The following ANKHD1 variants were observed in gnomAD, a reference collection of about 807,000 sequenced individuals.
ANKHD1 encodes the protein ankyrin repeat and KH domain containing 1, also known as ankyrin repeat and KH domain-containing protein 1.
In ANKHD1, 31 loss-of-function variants were observed where a neutral mutation model predicts 230.5. The observed-to-expected ratio is 0.13, with a 90% confidence interval of 0.10 to 0.18. ANKHD1 has a LOEUF of 0.18. ANKHD1 is among the 10% of genes least tolerant of loss of function. The pLI, the probability that ANKHD1 is intolerant of heterozygous loss-of-function variation, is 1.00. For missense variants in ANKHD1, 2,256 were observed against 3,071.3 expected, an observed-to-expected ratio of 0.73 and a Z score of 6.27; for synonymous variants, 1,074 against 1,117.6, an observed-to-expected ratio of 0.96 and a Z score of 0.78.
In ANKHD1 at chr5:140,497,152, A is replaced by T. The variant is rs1400935874; in HGVS notation, c.2878A>T (p.Ile960Phe). 7 of 1,614,000 alleles carry T rather than the reference A, an allele frequency of 4.3e-6. No homozygotes were observed. In the Admixed American group the frequency reaches 6.7e-5, roughly 15 times the overall value. Reference protein sequence around the residue: ...ELQKVSGNQQIVGQPQIAITG... With the variant: ...ELQKVSGNQQFVGQPQIAITG... ...TCAGAAAGTATCAGGTAATCAGCAGATTGTAGGACAGCCTCAGATTGCTAT... is the reference window on the plus strand; with the variant it reads ...TCAGAAAGTATCAGGTAATCAGCAGTTTGTAGGACAGCCTCAGATTGCTAT... The change falls in exon 15 of 34, where the codon ATT (isoleucine) becomes TTT (phenylalanine). Residue 960 changes from isoleucine (I) to phenylalanine (F), a missense_variant. This residue lies in a region of ANKHD1 where 358 missense variants were observed against 397.7 expected (regional missense o/e 0.90). Transcript: ENST00000360839.
intron 1 of ANKHD1, among the ~76,000 whole-genome samples, chr5:140,413,120 T>G (rs913206486): frequency 6.6e-6 from 1 of 152,186 alleles, no homozygotes; most frequent in Non-Finnish European, 1.5e-5. Context: ...AAGAACCAAC[T>G]AAGAACCAAA....
At chr5:140,531,392 C>A (rs545136880) in intron 29 of ANKHD1, 49 of 320,090 alleles carry the variant, frequency 1.5e-4, no homozygotes, top group African/African-American at 9.4e-4. Flanking sequence ...ACAAGCCTGG[C>A]CAACATGGTG....
intron 29 of ANKHD1, among the ~76,000 whole-genome samples, chr5:140,533,775 CAA>C (rs1167136822): frequency 2.7e-4 from 8 of 29,654 alleles, no homozygotes; most frequent in African/African-American, 4.3e-4. Context: ...GACCCTGTCT[CAA>C]AAAAAAAAAA....
Position 140,464,749 on chromosome 5 carries a change from T to C in ANKHD1, c.1755T>C (p.Asp585=), listed in dbSNP as rs1325412987. The C allele has an allele frequency of 3.1e-6, 5 of 1,607,568 alleles. No individual in the cohort carries two copies. The highest frequency in any genetic ancestry group is 4.3e-6 in the Non-Finnish European group (5 of 1,175,434). The change falls in exon 10 of 34, where the codon GAT becomes GAC. Residue 585 remains aspartate (D), a synonymous_variant. Coordinates refer to ENST00000360839, the MANE Select transcript of ANKHD1 (RefSeq NM_017747.3). ...ACENGHTDVA[D]VLLQAGADLE... is the part of the protein sequence containing the mutation. ...AAAATGGACATACGGATGTTGCAGA[T>C]GTTTTACTTCAAGCAGGGGCTGATT...
intron 5 of ANKHD1, among the ~76,000 whole-genome samples, chr5:140,441,867 CAT>C (rs1233890098): frequency 6.6e-6 from 1 of 151,818 alleles, no homozygotes; most frequent in Non-Finnish European, 1.5e-5. Context: ...AACAACATGT[CAT>C]ATACCTTATG....
chr5:140,425,006 G>A (rs1581225222), intron 1 of ANKHD1, among the ~76,000 whole-genome samples: 2 of 152,256 alleles, frequency 1.3e-5, no homozygotes, highest in South Asian at 4.1e-4. Context: ...ATTAATGGTA[G>A]CCTATTATGT....
intron 29 of ANKHD1, among the ~76,000 whole-genome samples, chr5:140,530,415 G>A (rs1277229525): frequency 6.6e-6 from 1 of 152,038 alleles, no homozygotes; most frequent in Non-Finnish European, 1.5e-5. Flanking sequence ...GTTTTGCCGT[G>A]TTACCCAGGC....
At chr5:140,503,009 G>A (rs1004896789) in intron 15 of ANKHD1, among the ~76,000 whole-genome samples, 16 of 152,194 alleles carry the variant, frequency 1.1e-4, no homozygotes, top group African/African-American at 3.6e-4. Flanking sequence ...ATATATCTGG[G>A]CATCTTAAAC....
Position 140,535,462 on chromosome 5 carries a change from G to T in ANKHD1, c.6951G>T (p.Gly2317=), listed in dbSNP as rs938306867. 1.2e-6 allele frequency: 2 copies of T among 1,613,516 alleles called. No homozygotes were observed. The highest frequency in any genetic ancestry group is 2.7e-5 in the African/African-American group (2 of 74,860). Residue 2317 remains glycine, a synonymous_variant, in exon 30 of 34, where the codon GGG becomes GGT. Coordinates refer to ENST00000360839, the MANE Select transcript of ANKHD1 (RefSeq NM_017747.3). ...GIPGTRVFLQ[G]PAPVGTPSFN... ...CAGGAACAAGGGTTTTCCTGCAAGGGCCAGCTCCTGTTGGGACTCCTAGTT... is the reference window on the plus strand; with the variant it reads ...CAGGAACAAGGGTTTTCCTGCAAGGTCCAGCTCCTGTTGGGACTCCTAGTT...
intron 7 of ANKHD1, among the ~76,000 whole-genome samples, chr5:140,457,749 A>G (rs1016935426): frequency 3.3e-5 from 5 of 152,060 alleles, no homozygotes; most frequent in African/African-American, 4.8e-5. Flanking sequence ...GATATACCCA[A>G]TGTAAATGAG....
chr5:140,414,437 C>T (rs1169281906), intron 1 of ANKHD1, among the ~76,000 whole-genome samples: 2 of 151,988 alleles, frequency 1.3e-5, no homozygotes, highest in Admixed American at 6.6e-5. Context: ...TTTGTTATTT[C>T]CCTAATGATT....
In ANKHD1 at chr5:140,458,684, T is replaced by G. The variant is rs1162607863; in HGVS notation, c.1302T>G (p.Pro434=). 18 of 1,612,994 alleles carry G rather than the reference T, an allele frequency of 1.1e-5. No homozygotes were observed. The highest frequency in any genetic ancestry group is 2.2e-5 in the East Asian group (1 of 44,810). The change falls in exon 8 of 34, where the codon CCT becomes CCG. Residue 434 remains proline, a synonymous_variant. Coordinates refer to ENST00000360839, the MANE Select transcript of ANKHD1 (RefSeq NM_017747.3). ...ATAGTGGTGCTCAAGTGAACATGCCTGCAGATTCATTTGAATCTCCATTGA... is the reference window on the plus strand; with the variant it reads ...ATAGTGGTGCTCAAGTGAACATGCCGGCAGATTCATTTGAATCTCCATTGA... ...LLDSGAQVNM[P]ADSFESPLTL... is the part of the protein sequence containing the mutation.
chr5:140,432,766 C>T (rs961295533), intron 1 of ANKHD1, among the ~76,000 whole-genome samples: 1 of 151,962 alleles, frequency 6.6e-6, no homozygotes, highest in African/African-American at 2.4e-5. Context: ...GGAATACAGT[C>T]GTACAATCAT....
Position 140,441,008 on chromosome 5 carries a change from T to C in ANKHD1, c.779T>C (p.Met260Thr). The stretch of plus-strand genomic sequence containing the variant: ...TGTGTTTTAAAGGTATTGCTTGCTA[T>C]GCATGCTAATGTTGAAGATCGAGGG... ...YYELAQVLLA[M>T]HANVEDRGNK... The change falls in exon 5 of 34, where the codon ATG becomes ACG. Residue 260 changes from methionine (M) to threonine (T), a missense_variant. This residue lies in a region of ANKHD1 where 206 missense variants were observed against 304.5 expected (regional missense o/e 0.68). Transcript: ENST00000360839. 6.2e-7 allele frequency: 1 copy of C among 1,605,866 alleles called. No individual in the cohort carries two copies. Among genetic ancestry groups the C allele is most frequent in the Middle Eastern group, 1.7e-4 (1 of 6,022 alleles).
At position 140,445,725 on chromosome 5, in the gene ANKHD1, C is replaced by G. The variant is rs564932798; in HGVS notation, c.914-17C>G. 2 of 1,521,766 alleles carry G rather than the reference C, an allele frequency of 1.3e-6. No individual in the cohort carries two copies. Among genetic ancestry groups the G allele is most frequent in the Admixed American group, 3.8e-5 (2 of 52,316 alleles). The allele number at this position is 1,521,766 out of a possible 1,614,324, so 94.3% of individuals were successfully genotyped here. A position where few individuals can be genotyped will look rare whatever the true frequency, so the allele number is the denominator to read the frequency against. ...TATATTCTGCTCATGTATTATATTTCTTCTTCTTCTTTTTAGGAAACACTG... is the reference window on the plus strand; with the variant it reads ...TATATTCTGCTCATGTATTATATTTGTTCTTCTTCTTTTTAGGAAACACTG... On this transcript the variant is annotated splice_polypyrimidine_tract_variant and intron_variant, in intron 5 of 33. Transcript: ENST00000360839.
At chr5:140,517,067 T>C (rs1477308245) in intron 24 of ANKHD1, among the ~76,000 whole-genome samples, 1 of 147,462 alleles carries the variant, frequency 6.8e-6, no homozygotes, top group African/African-American at 2.5e-5. Flanking sequence ...GAGACACACA[T>C]AGGCTCAAAA....
At chr5:140,432,476 T>C (rs908466193) in intron 1 of ANKHD1, among the ~76,000 whole-genome samples, 5 of 152,248 alleles carry the variant, frequency 3.3e-5, no homozygotes, top group African/African-American at 1.2e-4. Flanking sequence ...CATCTACTGA[T>C]GGACATTTGG....
At chr5:140,480,731 A>G (rs1256710978) in intron 10 of ANKHD1, among the ~76,000 whole-genome samples, 3 of 152,084 alleles carry the variant, frequency 2.0e-5, no homozygotes, top group Non-Finnish European at 4.4e-5. Context: ...CCTCAGTGCT[A>G]TGAGAGGGAA....
chr5:140,509,852 A>G, intron 21 of ANKHD1, 40 bp downstream of exon 21: 1 of 1,579,598 alleles, frequency 6.3e-7, no homozygotes, highest in Non-Finnish European at 8.5e-7. Context: ...TCTCATGGTC[A>G]TTTTCACTTT....
Sources: allele counts gnomAD v4.1 joint callset (sites outside exome capture counted in the v4.1 genomes callset), GRCh38; gene constraint gnomAD v4.1.1; regional missense constraint gnomAD v4.1.1; transcripts MANE v1.5; gene names NCBI Gene and HGNC (gene_info 2026-07-23, HGNC 2026-07-21).